Variants in TTLL7 observed in about 807,000 individuals in gnomAD.
TTLL7 encodes the protein tubulin tyrosine ligase like 7.
TTLL7 carries 53 observed loss-of-function variants against 120.2 expected under a neutral mutation model. That is an observed-to-expected ratio of 0.44 (90% confidence interval 0.35 to 0.55). The LOEUF is 0.55. Among genes scored for constraint, TTLL7 ranks in the 20% least tolerant of loss-of-function variants. The pLI is 0.00. For synonymous variants in TTLL7, 353 were observed against 351.7 expected (o/e 1.00, Z -0.04); for missense variants, 803 against 1,054.7 (o/e 0.76, Z 3.31).
chr1:83,993,125 C>T (rs1032146769), intron 1 of TTLL7, among the ~76,000 whole-genome samples: 2 of 152,072 alleles, frequency 1.3e-5, no homozygotes, highest in Non-Finnish European at 2.9e-5. Flanking sequence ...AGTGTTAAGA[C>T]CACATCAATT....
rs1011175498 is a variant in TTLL7 at position 83,867,896 on chromosome 1, T to C, written c.*2066A>G. 2.0e-5 allele frequency: 3 copies of C among 152,134 alleles called. No homozygotes were observed. Among genetic ancestry groups the C allele is most frequent in the Non-Finnish European group, 4.4e-5 (3 of 67,988 alleles). 9.4% of individuals were successfully genotyped at this position (152,134 alleles called of 1,614,324 possible). ...ATAGCATATTTAAGAATTCACAAAA[T>C]GGAGTCATAAACAGTGTAGTCACTG... On this transcript the variant is annotated 3_prime_UTR_variant, in exon 21 of 21. Coordinates refer to ENST00000260505, the MANE Select transcript of TTLL7 (RefSeq NM_024686.6).
intron 1 of TTLL7, among the ~76,000 whole-genome samples, chr1:83,982,284 A>C (rs1417511174): frequency 6.6e-6 from 1 of 152,204 alleles, no homozygotes; most frequent in Non-Finnish European, 1.5e-5. Context: ...GCTGAGAAGG[A>C]AATTTAGACA....
intron 19 of TTLL7, chr1:83,889,949 A>G (rs986334623): frequency 1.5e-5 from 7 of 461,358 alleles, no homozygotes; most frequent in Non-Finnish European, 3.0e-5. Flanking sequence ...TTGGTTTTAG[A>G]TATCTTGAGG....
chr1:83,888,473 T>C (rs1190210098), intron 19 of TTLL7, among the ~76,000 whole-genome samples: 1 of 152,010 alleles, frequency 6.6e-6, no homozygotes, highest in Non-Finnish European at 1.5e-5. Context: ...ATATGAATGA[T>C]TCTGTATCAC....
At chr1:83,882,199 T>G (rs1199122633) in intron 20 of TTLL7, among the ~76,000 whole-genome samples, 1 of 151,228 alleles carries the variant, frequency 6.6e-6, no homozygotes, top group Non-Finnish European at 1.5e-5. Context: ...GTAACTAACC[T>G]GCACATTGTG....
chr1:83,938,099 G>A, intron 7 of TTLL7, 83 bp from the exon 8 acceptor site: 1 of 1,308,140 alleles, frequency 7.6e-7, no homozygotes, highest in Non-Finnish European at 1.1e-6. Flanking sequence ...GACACTCAAA[G>A]ACTAAAGAAA....
At chr1:83,899,439 A>G (rs1304921794) in intron 18 of TTLL7, among the ~76,000 whole-genome samples, 3 of 152,010 alleles carry the variant, frequency 2.0e-5, no homozygotes, top group African/African-American at 7.2e-5. Flanking sequence ...AGCGACTTTC[A>G]GGGCTCCATA....
intron 20 of TTLL7, among the ~76,000 whole-genome samples, chr1:83,876,302 T>C (rs1399915365): frequency 6.6e-6 from 1 of 151,902 alleles, no homozygotes; most frequent in Non-Finnish European, 1.5e-5. Flanking sequence ...TTTTTGCCAA[T>C]ATTATACTAT....
At chr1:83,873,432 G>A (rs1363167017) in intron 20 of TTLL7, among the ~76,000 whole-genome samples, 3 of 152,250 alleles carry the variant, frequency 2.0e-5, no homozygotes, top group South Asian at 4.2e-4. Context: ...AAAGCAGGAA[G>A]ACTATCTCAT....
intron 1 of TTLL7, among the ~76,000 whole-genome samples, chr1:83,992,762 T>C (rs545153228): frequency 6.6e-6 from 1 of 151,112 alleles, no homozygotes; most frequent in African/African-American, 2.4e-5. Flanking sequence ...TTCATAAATA[T>C]TAAACTGGTT....
At chr1:83,877,961 A>T (rs1458936754) in intron 20 of TTLL7, among the ~76,000 whole-genome samples, 4 of 151,872 alleles carry the variant, frequency 2.6e-5, no homozygotes, top group African/African-American at 9.7e-5. Context: ...ATTTAAATCT[A>T]TAAATATCCC....
At chr1:83,904,304 T>C (rs886603332) in intron 17 of TTLL7, 145 bp from the exon 18 acceptor site, 4 of 621,144 alleles carry the variant, frequency 6.4e-6, no homozygotes, top group Non-Finnish European at 1.1e-5. Context: ...CTAATACAAA[T>C]TAAAGAAACC....
At chr1:83,873,198 A>G (rs1653600324) in intron 20 of TTLL7, among the ~76,000 whole-genome samples, 1 of 152,220 alleles carries the variant, frequency 6.6e-6, no homozygotes, top group South Asian at 2.1e-4. Flanking sequence ...AGACTTGAAA[A>G]GAAGTTCGGC....
chr1:83,993,396 C>T (rs1653181318), intron 1 of TTLL7, among the ~76,000 whole-genome samples: 1 of 152,202 alleles, frequency 6.6e-6, no homozygotes, highest in Admixed American at 6.5e-5. Context: ...AAAACAGCTA[C>T]TGCCATACCG....
chr1:83,909,680 G>T (rs1461019120), intron 15 of TTLL7, among the ~76,000 whole-genome samples: 1 of 152,086 alleles, frequency 6.6e-6, no homozygotes, highest in Admixed American at 6.6e-5. Context: ...TTAAAAATCT[G>T]TATATTTTAG....
chr1:83,925,368 C>T (rs1197591950), intron 10 of TTLL7, among the ~76,000 whole-genome samples: 31 of 152,148 alleles, frequency 2.0e-4, no homozygotes, highest in Admixed American at 2.0e-3. Context: ...AACCCAGAAG[C>T]CTAGGAATCA....
rs530200828 is a variant in TTLL7 at position 83,987,629 on chromosome 1, AT to A, written c.-177+11301del. On this transcript the variant is annotated intron_variant, in intron 1 of 20. Coordinates refer to ENST00000260505, the MANE Select transcript of TTLL7 (RefSeq NM_024686.6). ...ACAGCAATTTGAAACAATTCTAACGATTTTTTTTAAAACTGCTAATAACAAC... is the reference window on the plus strand; with the variant it reads ...ACAGCAATTTGAAACAATTCTAACGATTTTTTTAAAACTGCTAATAACAAC... Among the ~76,000 whole-genome samples, 64 of 152,146 alleles carry A rather than the reference AT, an allele frequency of 4.2e-4. 1 individual carries two copies. The South Asian group carries it at 0.012, about 30-fold the overall frequency.
chr1:83,914,323 CTTTTTTTTT>C (rs1171299360), intron 14 of TTLL7, among the ~76,000 whole-genome samples: 3 of 78,244 alleles, frequency 3.8e-5, no homozygotes, highest in African/African-American at 5.1e-5. Flanking sequence ...CTCTCTCTCT[CTTTTTTTTT>C]TTTTTTTTTT....
At position 83,911,382 on chromosome 1, in the gene TTLL7, T is replaced by C. The variant is rs1026851929; in HGVS notation, c.1588-19A>G. On this transcript the variant is annotated intron_variant, in intron 14 of 20. Coordinates refer to ENST00000260505, the MANE Select transcript of TTLL7 (RefSeq NM_024686.6). ...ACAGAGGCTAAAAAAGATGGAAATGTGTTATTTTGTTAGAATTCTTAAAAA... is the reference window on the plus strand; with the variant it reads ...ACAGAGGCTAAAAAAGATGGAAATGCGTTATTTTGTTAGAATTCTTAAAAA... 14 of 1,564,716 alleles carry C rather than the reference T, an allele frequency of 8.9e-6. No individual in the cohort carries two copies. The highest frequency in any genetic ancestry group is 1.2e-5 in the Non-Finnish European group (14 of 1,150,074).
Sources: allele counts gnomAD v4.1 joint callset (sites outside exome capture counted in the v4.1 genomes callset), GRCh38; gene constraint gnomAD v4.1.1; transcripts MANE v1.5; gene names NCBI Gene and HGNC (gene_info 2026-07-23, HGNC 2026-07-21).